The following IMMP2L variants were observed in gnomAD, a reference collection of about 807,000 sequenced individuals.
IMMP2L encodes the protein inner mitochondrial membrane peptidase subunit 2.
Under a neutral mutation model 19.3 loss-of-function variants are expected in IMMP2L, and 18 were observed. The ratio of observed to expected loss-of-function variants is 0.93; its 90% CI spans 0.64 to 1.38. The LOEUF is 1.38. Ranked by LOEUF, IMMP2L falls within the 40% of genes most tolerant of loss-of-function variation. IMMP2L has a pLI of 0.00. For synonymous variants in IMMP2L, 76 were observed against 73.0 expected, an observed-to-expected ratio of 1.04 and a Z score of -0.21; for missense variants, 233 against 218.2, an observed-to-expected ratio of 1.07 and a Z score of -0.43.
At chr7:111,331,094 T>C (rs546575515) in intron 3 of IMMP2L, among the ~76,000 whole-genome samples, 61 of 151,964 alleles carry the variant, frequency 4.0e-4, no homozygotes, top group Non-Finnish European at 6.6e-4. Flanking sequence ...CCTAAAAGAT[T>C]TGAAATCAGT....
intron 4 of IMMP2L, among the ~76,000 whole-genome samples, chr7:110,948,783 G>T (rs997307327): frequency 6.6e-6 from 1 of 152,140 alleles, no homozygotes; most frequent in Non-Finnish European, 1.5e-5. Flanking sequence ...GTCTCTGCAG[G>T]TGTTTCCAGA....
At chr7:111,473,740 C>A (rs988872456) in intron 3 of IMMP2L, among the ~76,000 whole-genome samples, 1 of 152,112 alleles carries the variant, frequency 6.6e-6, no homozygotes, top group African/African-American at 2.4e-5. Flanking sequence ...ATTTGTTCAG[C>A]CACTATGGAA....
At chr7:110,719,484 G>T (rs1211335554) in intron 5 of IMMP2L, among the ~76,000 whole-genome samples, 2 of 151,972 alleles carry the variant, frequency 1.3e-5, no homozygotes, top group Admixed American at 6.6e-5. Context: ...GTCAAATGAA[G>T]TTATTGTGCT....
At chr7:111,313,913 G>A (rs938500757) in intron 3 of IMMP2L, among the ~76,000 whole-genome samples, 2 of 152,066 alleles carry the variant, frequency 1.3e-5, no homozygotes, top group Non-Finnish European at 2.9e-5. Flanking sequence ...TAATGGCTTG[G>A]TGCTGTCTTT....
chr7:110,794,826 C>A (rs528190184), intron 5 of IMMP2L, among the ~76,000 whole-genome samples: 2 of 152,000 alleles, frequency 1.3e-5, no homozygotes, highest in Admixed American at 1.3e-4. Context: ...AAATAAATAA[C>A]GAATACATAT....
chr7:111,421,301 G>A lies in IMMP2L; in HGVS notation c.239+65937C>T, dbSNP rs1423285131. On this transcript the variant is annotated intron_variant, in intron 3 of 5. Coordinates refer to ENST00000405709, the MANE Select transcript of IMMP2L (RefSeq NM_032549.4). ...TTTTTTTTTTTTGAGACGGAGTCTCGCTCTGTGGCCCAGGTGGGAGTGCAG... is the reference window on the plus strand; with the variant it reads ...TTTTTTTTTTTTGAGACGGAGTCTCACTCTGTGGCCCAGGTGGGAGTGCAG... 2.3e-5 allele frequency among the ~76,000 whole-genome samples: 3 copies of A among 131,858 alleles called. No individual in the cohort carries two copies. In the East Asian group the frequency reaches 6.5e-4, roughly 29 times the overall value. 86.5% of individuals were successfully genotyped at this position (131,858 alleles called of 152,430 possible). A position where few individuals can be genotyped will look rare whatever the true frequency, so the allele number is the denominator to read the frequency against.
rs545923254 is a variant in IMMP2L, at chr7:111,176,529, A to C, written c.240-212964T>G. ...GAAATAAGCCAGGCACCAAAAGACAAATCTCATGTTTTCACTTATTTGTGG... is the reference window on the plus strand; with the variant it reads ...GAAATAAGCCAGGCACCAAAAGACACATCTCATGTTTTCACTTATTTGTGG... On this transcript the variant is annotated intron_variant, in intron 3 of 5. Transcript: ENST00000405709. Among the ~76,000 whole-genome samples the C allele has an allele frequency of 2.6e-5, 4 of 152,016 alleles. No homozygotes were observed. In the Admixed American group the frequency reaches 2.6e-4, roughly 10 times the overall value.
chr7:111,479,371 T>C (rs941493208), intron 3 of IMMP2L, among the ~76,000 whole-genome samples: 7 of 152,192 alleles, frequency 4.6e-5, no homozygotes, highest in Admixed American at 2.6e-4. Flanking sequence ...GTGTAGGCCT[T>C]AGTTTGAAAT....
At chr7:111,059,516 C>A (rs529018869) in intron 3 of IMMP2L, among the ~76,000 whole-genome samples, 79 of 152,244 alleles carry the variant, frequency 5.2e-4, no homozygotes, top group Admixed American at 1.4e-3. Flanking sequence ...TTATTACAGA[C>A]CTATCTCCCC....
At chr7:111,180,251 T>C (rs1807556602) in intron 3 of IMMP2L, among the ~76,000 whole-genome samples, 1 of 152,068 alleles carries the variant, frequency 6.6e-6, no homozygotes, top group Non-Finnish European at 1.5e-5. Context: ...ATTTCTAGAT[T>C]TTCACTTAAA....
At chr7:111,478,733 GTTAT>G (rs1841932898) in intron 3 of IMMP2L, among the ~76,000 whole-genome samples, 1 of 152,046 alleles carries the variant, frequency 6.6e-6, no homozygotes, top group African/African-American at 2.4e-5. Flanking sequence ...GCCAATTACA[GTTAT>G]TTAATAGTCC....
intron 3 of IMMP2L, among the ~76,000 whole-genome samples, chr7:110,989,008 G>A (rs746658308): frequency 6.6e-5 from 10 of 152,064 alleles, no homozygotes; most frequent in Non-Finnish European, 1.0e-4. Flanking sequence ...GGACCGAGGC[G>A]GCAGATCACC....
chr7:111,332,094 G>A (rs73424007), intron 3 of IMMP2L, among the ~76,000 whole-genome samples: 3,942 of 151,802 alleles, frequency 0.026, 171 homozygotes, highest in African/African-American at 0.09. Flanking sequence ...ATAGGCATGA[G>A]GCAGGAACTA....
At chr7:111,133,196 CA>C (rs2129594736) in intron 3 of IMMP2L, among the ~76,000 whole-genome samples, 1 of 152,052 alleles carries the variant, frequency 6.6e-6, no homozygotes, top group East Asian at 1.9e-4. Context: ...CTGCAATAGA[CA>C]AATCTCCTGA....
chr7:111,133,154 C>A (rs1802009855), intron 3 of IMMP2L, among the ~76,000 whole-genome samples: 1 of 151,892 alleles, frequency 6.6e-6, no homozygotes, highest in African/African-American at 2.4e-5. Flanking sequence ...GTGTACCAGA[C>A]AAAATATTAG....
chr7:110,963,834 A>G (rs1285316620), intron 3 of IMMP2L, among the ~76,000 whole-genome samples: 3 of 152,058 alleles, frequency 2.0e-5, no homozygotes, highest in African/African-American at 4.8e-5. Context: ...TTTCTTATTA[A>G]GGAATAAAGT....
At chr7:111,195,960 G>A (rs901890260) in intron 3 of IMMP2L, among the ~76,000 whole-genome samples, 1 of 151,892 alleles carries the variant, frequency 6.6e-6, no homozygotes, top group Non-Finnish European at 1.5e-5. Flanking sequence ...TCGAACTCCT[G>A]GGCTCAAGTG....
At chr7:110,783,969 A>C (rs1314102671) in intron 5 of IMMP2L, among the ~76,000 whole-genome samples, 8 of 151,890 alleles carry the variant, frequency 5.3e-5, no homozygotes, top group Admixed American at 5.3e-4. Context: ...TAACTATTAA[A>C]ATTAAAAATC....
chr7:111,324,632 T>C (rs931830795), intron 3 of IMMP2L, among the ~76,000 whole-genome samples: 2 of 151,834 alleles, frequency 1.3e-5, no homozygotes, highest in Non-Finnish European at 2.9e-5. Context: ...TGTAATATAA[T>C]GTTTAAGTGT....
Sources: gnomAD v4.1 joint callset for allele counts (sites outside exome capture counted in the v4.1 genomes callset) on GRCh38, gnomAD v4.1.1 for gene constraint, MANE v1.5 for transcripts, NCBI Gene and HGNC (gene_info 2026-07-23, HGNC 2026-07-21) for gene names.